The following PLRG1 variants were observed in gnomAD, a reference collection of about 807,000 sequenced individuals.
The protein encoded by PLRG1 is pleiotropic regulator 1.
Under a neutral mutation model 74.9 loss-of-function variants are expected in PLRG1, and 28 were observed. The observed-to-expected ratio is 0.37, with a 90% CI of 0.28 to 0.51. The LOEUF (loss-of-function observed/expected upper bound fraction) is 0.51, where lower values mean the gene tolerates loss of function less well. PLRG1 is among the 20% of genes least tolerant of loss of function. The pLI is 0.91. For synonymous variants in PLRG1, 197 were observed against 212.4 expected (o/e 0.93, Z 0.63); for missense variants, 445 against 631.9 (o/e 0.70, Z 3.17).
chr4:154,549,529 G>A, intron 1 of PLRG1: 1 of 375,312 alleles, frequency 2.7e-6, no homozygotes, highest in Non-Finnish European at 5.2e-6. Context: ...AGGATGAGAT[G>A]GTGCTTTGTA....
At chr4:154,541,052 A>C (rs1729547512) in intron 8 of PLRG1, 118 bp from the exon 9 acceptor site, 6 of 752,874 alleles carry the variant, frequency 8.0e-6, no homozygotes, top group Non-Finnish European at 9.6e-6. Context: ...ACAAATACGT[A>C]AAAATAAAAA....
intron 10 of PLRG1, 39 bp from the exon 11 acceptor site, chr4:154,540,092 G>A (rs750205895): frequency 2.9e-6 from 3 of 1,049,232 alleles, no homozygotes; most frequent in South Asian, 2.5e-5. Context: ...AAGAGAATAG[G>A]TATTCATTAT....
At position 154,540,025 on chromosome 4, in the gene PLRG1, A is replaced by G; in HGVS notation, c.968T>C (p.Val323Ala). The change falls in exon 11 of 15, where the codon GTA (valine) becomes GCA (alanine). Residue 323 changes from valine to alanine, a missense_variant. Physicochemically the swap from Val to Ala is moderately conservative, Grantham distance 64. Around this residue, in one of 3 missense-constraint regions of PLRG1, gnomAD observed 221 missense variants for 377.7 expected, o/e 0.59. Transcript: ENST00000499023. ...RIWDVRTKAS[V>A]HTLSGHTNAV... ...ATTTGTATGTCCAGATAATGTGTGT[A>G]CACTGGCTTTAGTTCTCACATCCCA... The G allele has an allele frequency of 2.5e-6, 4 of 1,598,156 alleles. No individual in the cohort carries two copies. Among genetic ancestry groups the G allele is most frequent in the Non-Finnish European group, 2.6e-6 (3 of 1,165,570 alleles).
intron 10 of PLRG1, among the ~76,000 whole-genome samples, 164 bp downstream of exon 10, chr4:154,540,430 A>C (rs1247972102): frequency 6.6e-6 from 1 of 152,152 alleles, no homozygotes; most frequent in Non-Finnish European, 1.5e-5. Flanking sequence ...CTGAAGACTA[A>C]GGTGGAAAAA....
chr4:154,539,712 T>C (rs1179441798), intron 11 of PLRG1, among the ~76,000 whole-genome samples: 1 of 152,122 alleles, frequency 6.6e-6, no homozygotes, highest in Admixed American at 6.6e-5. Context: ...CACAGTATTC[T>C]AGTCAGACAT....
At position 154,547,075 on chromosome 4, in the gene PLRG1, A is replaced by G; in HGVS notation, c.260-11T>C. The G allele has an allele frequency of 6.2e-7, 1 of 1,606,858 alleles. No homozygotes were observed. Among genetic ancestry groups the G allele is most frequent in the Non-Finnish European group, 8.5e-7 (1 of 1,173,472 alleles). ...ATTCAACTTCTTGTCCTAAAAAAAC[A>G]CAAAAAAAATCAACAGTAGTGAATT... On this transcript the variant is annotated splice_polypyrimidine_tract_variant and intron_variant, in intron 3 of 14. Transcript: ENST00000499023.
chr4:154,539,751 T>C (rs552131430), intron 11 of PLRG1, among the ~76,000 whole-genome samples, 200 bp downstream of exon 11: 1 of 152,240 alleles, frequency 6.6e-6, no homozygotes, highest in East Asian at 1.9e-4. Context: ...GCATACTCTA[T>C]GATATGTAAA....
At chr4:154,539,243 A>C (rs777247206) in intron 11 of PLRG1, 30 bp from the exon 12 acceptor site, 3 of 1,224,016 alleles carry the variant, frequency 2.5e-6, no homozygotes, top group Non-Finnish European at 3.6e-6. Flanking sequence ...ATCCCTCAAA[A>C]CATAGACCAG....
intron 7 of PLRG1, among the ~76,000 whole-genome samples, chr4:154,543,269 T>C (rs1729588056): frequency 6.6e-6 from 1 of 152,124 alleles, no homozygotes; most frequent in African/African-American, 2.4e-5. Context: ...CACTTCAGCC[T>C]CTGGAGTAGC....
chr4:154,541,780 G>A (rs7660120), intron 8 of PLRG1, among the ~76,000 whole-genome samples: 44,290 of 151,998 alleles, frequency 0.29, 6,683 homozygotes, highest in Middle Eastern at 0.38. Flanking sequence ...GCTTAGAAGT[G>A]AAGGTATTGA....
chr4:154,548,816 A>C lies in PLRG1; in HGVS notation c.116+13T>G. ...AAGTATTTTAGCAATTGAAAAAAAA[A>C]AACTACACCAACCTCTCTTCATCTA... On this transcript the variant is annotated intron_variant, in intron 2 of 14. Transcript: ENST00000499023. 1 of 1,461,434 alleles carries C rather than the reference A, an allele frequency of 6.8e-7. No individual in the cohort carries two copies. Among genetic ancestry groups the C allele is most frequent in the Non-Finnish European group, 9.5e-7 (1 of 1,048,596 alleles). 90.5% of individuals were successfully genotyped at this position (1,461,434 alleles called of 1,614,324 possible).
Position 154,542,267 on chromosome 4 carries a change from G to T in PLRG1, c.607C>A (p.His203Asn). The change falls in exon 8 of 15, where the codon CAT (histidine) becomes AAT (asparagine). Residue 203 changes from histidine to asparagine, a missense_variant. Transcript: ENST00000499023. The stretch of plus-strand genomic sequence containing the variant: ...GCAATACATCGAACCCAGCCAAGAT[G>T]CCCACTGATAACCTGTATAAAACAA... ...PWKLYRVISG[H>N]LGWVRCIAVE... is the part of the protein sequence containing the mutation. 1 of 1,609,818 alleles carries T rather than the reference G, an allele frequency of 6.2e-7. No individual in the cohort carries two copies.
At chr4:154,545,137 A>C (rs1320383326) in intron 6 of PLRG1, among the ~76,000 whole-genome samples, 1 of 152,164 alleles carries the variant, frequency 6.6e-6, no homozygotes, top group Non-Finnish European at 1.5e-5. Context: ...TGCCCTCAAG[A>C]AGCTTAAATT....
At chr4:154,546,003 A>G (rs2111108742) in intron 5 of PLRG1, 80 bp from the exon 6 acceptor site, 1 of 1,121,954 alleles carries the variant, frequency 8.9e-7, no homozygotes, top group Non-Finnish European at 1.3e-6. Flanking sequence ...TTTATTTTAA[A>G]TTGTTATAAA....
At chr4:154,545,687 G>A (rs931301822) in intron 6 of PLRG1, 149 bp downstream of exon 6, 16 of 517,418 alleles carry the variant, frequency 3.1e-5, no homozygotes, top group African/African-American at 1.2e-4. Flanking sequence ...CAAAAAATAC[G>A]TTAATTTACT....
Position 154,537,337 on chromosome 4 carries a change from T to C in PLRG1, c.1434A>G (p.Leu478=). 6.2e-7 allele frequency: 1 copy of C among 1,613,232 alleles called. No individual in the cohort carries two copies. Among genetic ancestry groups the C allele is most frequent in the Non-Finnish European group, 8.5e-7 (1 of 1,179,408 alleles). ...CAFDQSESRL[L]TAEADKTIKV... is the part of the protein sequence containing the mutation. The stretch of plus-strand genomic sequence containing the variant: ...TAATGGTTTTATCAGCTTCAGCTGT[T>C]AGTAATCGACTTTCAGACTGATCAA... Residue 478 remains leucine, a synonymous_variant, in exon 14 of 15, where the codon CTA becomes CTG. Transcript: ENST00000499023.
chr4:154,537,865 TATA>T, intron 13 of PLRG1, 101 bp downstream of exon 13: 1 of 656,076 alleles, frequency 1.5e-6, no homozygotes, highest in Non-Finnish European at 2.6e-6. Context: ...CAAGTGCTGC[TATA>T]ATACTTAAGT....
intron 6 of PLRG1, among the ~76,000 whole-genome samples, chr4:154,545,410 TAA>T (rs1415692467): frequency 6.6e-6 from 1 of 152,148 alleles, no homozygotes; most frequent in Non-Finnish European, 1.5e-5. Context: ...TACAAACAGA[TAA>T]ACTTATTTCT....
intron 7 of PLRG1, 95 bp downstream of exon 7, chr4:154,544,350 T>G: frequency 2.7e-6 from 2 of 752,452 alleles, no homozygotes; most frequent in South Asian, 3.1e-5. Flanking sequence ...CAGCTTTTCA[T>G]ATTCACTCTT....
Sources: allele counts gnomAD v4.1 joint callset (sites outside exome capture counted in the v4.1 genomes callset), GRCh38; gene constraint gnomAD v4.1.1; regional missense constraint gnomAD v4.1.1; transcripts MANE v1.5; gene names NCBI Gene and HGNC (gene_info 2026-07-23, HGNC 2026-07-21).